The following LTBP2 variants were observed in gnomAD, a reference collection of about 807,000 sequenced individuals.
LTBP2 encodes the protein latent-transforming growth factor beta-binding protein 2.
In LTBP2, 103 loss-of-function variants were observed where a neutral mutation model predicts 210.6. The ratio of observed to expected loss-of-function variants is 0.49; its 90% CI spans 0.42 to 0.58. The LOEUF (loss-of-function observed/expected upper bound fraction) is 0.58, where lower values mean the gene tolerates loss of function less well. Ranked by LOEUF, LTBP2 falls within the 20% of genes least tolerant of loss-of-function variation. LTBP2 has a pLI of 0.00. For missense variants in LTBP2, 2,313 were observed against 2,494.5 expected, an observed-to-expected ratio of 0.93 and a Z score of 1.55; for synonymous variants, 1,007 against 1,015.0, an observed-to-expected ratio of 0.99 and a Z score of 0.15.
At chr14:74,550,812 A>C (rs2087642312) in intron 7 of LTBP2, among the ~76,000 whole-genome samples, 1 of 152,230 alleles carries the variant, frequency 6.6e-6, no homozygotes, top group South Asian at 2.1e-4. Flanking sequence ...CAGCTCCTCC[A>C]GAGGGGAACT....
chr14:74,611,580 C>A lies in LTBP2; in HGVS notation c.365G>T (p.Arg122Leu). ...CTGCTGGCCCAGGGGAGTGCTTCTCCGGGTCTGCGCAGGTGGCTGGACACG... is the reference window on the plus strand; with the variant it reads ...CTGCTGGCCCAGGGGAGTGCTTCTCAGGGTCTGCGCAGGTGGCTGGACACG... The part of the protein sequence containing the change: ...SRRVQPPAQT[R>L]RSTPLGQQQP... Residue 122 changes from arginine to leucine, a missense_variant, in exon 1 of 36, where the codon CGG becomes CTG. By Grantham distance (102) the Arg-to-Leu change is moderately radical (BLOSUM62 -2). Around this residue, in one of 3 missense-constraint regions of LTBP2, gnomAD observed 1,867 missense variants for 1,976.9 expected, o/e 0.94. Transcript: ENST00000261978. 6.3e-7 allele frequency: 1 copy of A among 1,575,252 alleles called. No homozygotes were observed. Among genetic ancestry groups the A allele is most frequent in the Non-Finnish European group, 8.6e-7 (1 of 1,167,426 alleles).
chr14:74,573,692 C>T (rs1388016437), intron 3 of LTBP2, among the ~76,000 whole-genome samples: 1 of 152,246 alleles, frequency 6.6e-6, no homozygotes, highest in Non-Finnish European at 1.5e-5. Context: ...TTTCTCTTGA[C>T]TCTGCCAGTG....
Position 74,525,208 on chromosome 14 carries a change from G to T in LTBP2, c.2446C>A (p.Pro816Thr). 1.5e-6 allele frequency: 2 copies of T among 1,329,252 alleles called. No individual in the cohort carries two copies. The highest frequency in any genetic ancestry group is 1.9e-6 in the Non-Finnish European group (2 of 1,030,122). The allele number at this position is 1,329,252 out of a possible 1,614,324, so 82.3% of individuals were successfully genotyped here. A position where few individuals can be genotyped will look rare whatever the true frequency, so the allele number is the denominator to read the frequency against. Residue 816 changes from proline to threonine, a missense_variant, in exon 15 of 36, where the codon CCA (proline) becomes ACA (threonine). Around this residue, in one of 3 missense-constraint regions of LTBP2, gnomAD observed 1,867 missense variants for 1,976.9 expected, o/e 0.94. Transcript: ENST00000261978. ...TCTGCAATCCCCTGTTCAGGCATTG[G>T]TGGGGTTGTGGCATTCCCTGTGGAG... ...AWVTGNATTP[P>T]MPEQGIAEIQ...
At chr14:74,509,075 C>T in intron 22 of LTBP2, 123 bp from the exon 23 acceptor site, 1 of 1,567,254 alleles carries the variant, frequency 6.4e-7, no homozygotes, top group Non-Finnish European at 8.7e-7. Flanking sequence ...GGGGATCATC[C>T]CCTCATGAGG....
At position 74,535,942 on chromosome 14, in the gene LTBP2, G is replaced by A; in HGVS notation, c.1848C>T (p.Asn616=). 1 of 1,614,172 alleles carries A rather than the reference G, an allele frequency of 6.2e-7. No homozygotes were observed. Among genetic ancestry groups the A allele is most frequent in the Non-Finnish European group, 8.5e-7 (1 of 1,180,012 alleles). Residue 616 remains asparagine (N), a synonymous_variant, in exon 9 of 36, where the codon AAC becomes AAT. Coordinates refer to ENST00000261978, the MANE Select transcript of LTBP2 (RefSeq NM_000428.3). The part of the protein sequence containing the change: ...LECPQGYKRL[N]LTHCQDINEC... ...GGGTCCTACCTTGGCAGTGAGTGAG[G>A]TTCAGTCTCTTGTACCCCTGAGGAC... is the stretch of plus-strand genomic sequence containing the variant.
intron 8 of LTBP2, among the ~76,000 whole-genome samples, chr14:74,545,973 C>T (rs2087570573): frequency 6.6e-6 from 1 of 152,202 alleles, no homozygotes; most frequent in African/African-American, 2.4e-5. Flanking sequence ...TTACCTATGC[C>T]ATGCAATTAA....
In LTBP2 at chr14:74,611,515, G is replaced by T. The variant is rs760329330; in HGVS notation, c.430C>A (p.Arg144Ser). Reference sequence around the variant, plus strand: ...CCAGACCGCTGTGGGGTCCCCAGGCGTGGGAGAGCCGGCGCGGCCCGGGTC... The same window carrying T: ...CCAGACCGCTGTGGGGTCCCCAGGCTTGGGAGAGCCGGCGCGGCCCGGGTC... ...PRTRAAPALP[R>S]LGTPQRSGAA... The change falls in exon 1 of 36, where the codon CGC becomes AGC. Residue 144 changes from arginine to serine, a missense_variant. Transcript: ENST00000261978. 3.9e-6 allele frequency: 6 copies of T among 1,537,682 alleles called. No homozygotes were observed. In the Admixed American group the frequency reaches 5.9e-5, roughly 15 times the overall value.
chr14:74,537,327 T>C (rs955515678), intron 8 of LTBP2, among the ~76,000 whole-genome samples: 2 of 152,224 alleles, frequency 1.3e-5, no homozygotes, highest in Admixed American at 1.3e-4. Flanking sequence ...TACTATCTTT[T>C]GTGGAACAAA....
chr14:74,549,850 C>T lies in LTBP2; in HGVS notation c.1789+13G>A. The T allele has an allele frequency of 6.2e-7, 1 of 1,609,386 alleles. No homozygotes were observed. The highest frequency in any genetic ancestry group is 8.5e-7 in the Non-Finnish European group (1 of 1,175,720). ...TTCCTCCACAACACGTGACCTTGGA[C>T]TCCAGCACTCACCTGGTCTGGGTGG... On this transcript the variant is annotated intron_variant, in intron 8 of 35. Transcript: ENST00000261978.
intron 3 of LTBP2, among the ~76,000 whole-genome samples, chr14:74,566,781 T>C (rs1399234368): frequency 6.6e-6 from 1 of 152,170 alleles, no homozygotes; most frequent in East Asian, 1.9e-4. Context: ...AGATCACTCC[T>C]GCTGCTGTGT....
In LTBP2 at chr14:74,611,784, C is replaced by G. The variant is rs974543649; in HGVS notation, c.161G>C (p.Arg54Pro). The part of the protein sequence containing the change: ...EPAGGDANRL[R>P]RPGGSYPAAA... ...TGCCGGGTAGCTGCCCCCAGGGCGCCGCAGTCGATTCGCGTCTCCACCAGC... is the reference window on the plus strand; with the variant it reads ...TGCCGGGTAGCTGCCCCCAGGGCGCGGCAGTCGATTCGCGTCTCCACCAGC... The change falls in exon 1 of 36, where the codon CGG becomes CCG. Residue 54 changes from arginine (R) to proline (P), a missense_variant. By Grantham distance (103) the Arg-to-Pro change is moderately radical. This residue lies in a region of LTBP2 where 1,867 missense variants were observed against 1,976.9 expected (regional missense o/e 0.94). Coordinates refer to ENST00000261978, the MANE Select transcript of LTBP2 (RefSeq NM_000428.3). 6 of 1,610,392 alleles carry G rather than the reference C, an allele frequency of 3.7e-6. No individual in the cohort carries two copies. The highest frequency in any genetic ancestry group is 5.1e-6 in the Non-Finnish European group (6 of 1,179,586).
At chr14:74,504,173 T>G (rs752274662) in intron 30 of LTBP2, 119 bp from the exon 31 acceptor site, 3 of 1,281,834 alleles carry the variant, frequency 2.3e-6, no homozygotes, top group Non-Finnish European at 3.3e-6. Context: ...CTAGGTGGCT[T>G]TGGGCAAGTT....
chr14:74,503,561 A>G lies in LTBP2; in HGVS notation c.4628T>C (p.Val1543Ala), dbSNP rs2086943222. ...GCAGTGGAAGGAGCCCTCCGTGTTG[A>G]CGCACTCGCCATTCTCACAGGCCAG... ...QDLACENGEC[V>A]NTEGSFHCFC... The change falls in exon 32 of 36, where the codon GTC becomes GCC. Residue 1543 changes from valine to alanine, a missense_variant. By Grantham distance (64) the Val-to-Ala change is moderately conservative (BLOSUM62 0). Transcript: ENST00000261978. 1 of 1,613,752 alleles carries G rather than the reference A, an allele frequency of 6.2e-7. No homozygotes were observed. Among genetic ancestry groups the G allele is most frequent in the African/African-American group, 1.3e-5 (1 of 74,934 alleles).
Position 74,511,243 on chromosome 14 carries a change from A to G in LTBP2, c.3028+2T>C. 1 of 1,613,794 alleles carries G rather than the reference A, an allele frequency of 6.2e-7. No homozygotes were observed. Among genetic ancestry groups the G allele is most frequent in the Non-Finnish European group, 8.5e-7 (1 of 1,179,972 alleles). ...CTCAGTGCCTTGGCCAGCAGCCCTC[A>G]CCTACACAGCTCCCACTCTGGCCCC... On this transcript the variant is annotated splice_donor_variant, in intron 19 of 35. Transcript: ENST00000261978. LOFTEE classifies it high-confidence loss of function.
chr14:74,509,632 G>A (rs2087043098), intron 21 of LTBP2, 102 bp downstream of exon 21: 2 of 1,533,880 alleles, frequency 1.3e-6, no homozygotes, highest in South Asian at 2.3e-5. Context: ...CTAGCCTGGA[G>A]CCCCTCGGCA....
At chr14:74,570,794 C>T (rs1353232326) in intron 3 of LTBP2, among the ~76,000 whole-genome samples, 2 of 152,114 alleles carry the variant, frequency 1.3e-5, no homozygotes, top group African/African-American at 2.4e-5. Flanking sequence ...CTCTGTCTGC[C>T]TCTGGGGGAT....
Position 74,507,307 on chromosome 14 carries a change from A to G in LTBP2, c.3779T>C (p.Ile1260Thr), listed in dbSNP as rs908565684. The change falls in exon 26 of 36, where the codon ATT becomes ACT. Residue 1260 changes from isoleucine (I) to threonine (T), a missense_variant. Coordinates refer to ENST00000261978, the MANE Select transcript of LTBP2 (RefSeq NM_000428.3). The stretch of plus-strand genomic sequence containing the variant: ...GTCTCCATAGTCCTCACACTCGTCA[A>G]TATCTGTCCCCAGAGCCATGCCATG... ...PSPESGECVD[I>T]DECEDYGDPV... 3.1e-6 allele frequency: 5 copies of G among 1,613,852 alleles called. No individual in the cohort carries two copies. The highest frequency in any genetic ancestry group is 1.7e-5 in the Admixed American group (1 of 60,002).
chr14:74,573,658 G>A (rs1226198451), intron 3 of LTBP2, among the ~76,000 whole-genome samples: 1 of 152,146 alleles, frequency 6.6e-6, no homozygotes, highest in Non-Finnish European at 1.5e-5. Context: ...AACTACCCTG[G>A]GATACTCCAC....
At chr14:74,552,694 T>C (rs1566635362) in intron 5 of LTBP2, among the ~76,000 whole-genome samples, 198 bp downstream of exon 5, 1 of 152,138 alleles carries the variant, frequency 6.6e-6, no homozygotes, top group African/African-American at 2.4e-5. Flanking sequence ...TGAGGAAACT[T>C]GGACTCAGAG....
Sources: allele counts gnomAD v4.1 joint callset (sites outside exome capture counted in the v4.1 genomes callset), GRCh38; gene constraint gnomAD v4.1.1; regional missense constraint gnomAD v4.1.1; transcripts MANE v1.5; gene names NCBI Gene and HGNC (gene_info 2026-07-23, HGNC 2026-07-21).